DOCK3: variants seen among roughly 807,000 people sequenced by gnomAD.
The protein encoded by DOCK3 is dedicator of cytokinesis 3, also known as dedicator of cytokinesis protein 3.
Under a neutral mutation model 265.6 loss-of-function variants are expected in DOCK3, and 60 were observed. The observed-to-expected ratio is 0.23, with a 90% confidence interval of 0.18 to 0.28. The LOEUF (loss-of-function observed/expected upper bound fraction) is 0.28. DOCK3 is among the 10% of genes least tolerant of loss of function. DOCK3 has a pLI of 1.00. For synonymous variants in DOCK3, 881 were observed against 938.0 expected, an observed-to-expected ratio of 0.94 and a Z score of 1.11; for missense variants, 1,981 against 2,594.3, an observed-to-expected ratio of 0.76 and a Z score of 5.14.
chr3:51,159,031 GA>G (rs1560141182), intron 10 of DOCK3, among the ~76,000 whole-genome samples: 1 of 152,134 alleles, frequency 6.6e-6, no homozygotes, highest in Non-Finnish European at 1.5e-5. Context: ...ATGAGAGCTG[GA>G]AAAATGTTGT....
At chr3:50,908,207 T>G (rs2049648386) in intron 4 of DOCK3, among the ~76,000 whole-genome samples, 3 of 151,538 alleles carry the variant, frequency 2.0e-5, no homozygotes, top group Admixed American at 1.3e-4. Context: ...CTTTTTTTTT[T>G]TTTCATCTCA....
At chr3:51,357,263 T>A in intron 44 of DOCK3, 122 bp downstream of exon 44, 1 of 1,161,396 alleles carries the variant, frequency 8.6e-7, no homozygotes, top group Non-Finnish European at 1.2e-6. Flanking sequence ...TCTCTTGACA[T>A]GGTCCTGGAA....
chr3:50,876,018 G>T (rs1034062726), intron 3 of DOCK3, among the ~76,000 whole-genome samples: 11 of 152,070 alleles, frequency 7.2e-5, no homozygotes, highest in African/African-American at 2.7e-4. Flanking sequence ...AGGTTTAAAT[G>T]CAACTGACAA....
chr3:50,914,779 T>C (rs1225162384), intron 4 of DOCK3, among the ~76,000 whole-genome samples: 6 of 152,154 alleles, frequency 3.9e-5, no homozygotes, highest in African/African-American at 7.2e-5. Context: ...CTAATGCCGA[T>C]AGTAGGGTGT....
chr3:50,961,251 A>C (rs543921548), intron 5 of DOCK3, among the ~76,000 whole-genome samples: 1 of 152,280 alleles, frequency 6.6e-6, no homozygotes, highest in African/African-American at 2.4e-5. Context: ...GGGAAACATA[A>C]GTTTTTTTAC....
intron 5 of DOCK3, among the ~76,000 whole-genome samples, chr3:51,056,570 A>G (rs2081209564): frequency 6.6e-6 from 1 of 152,144 alleles, no homozygotes; most frequent in Admixed American, 6.6e-5. Context: ...TTTTGACATA[A>G]AGGTCATTAG....
intron 7 of DOCK3, among the ~76,000 whole-genome samples, chr3:51,084,313 CAAAT>C (rs1240545039): frequency 6.6e-6 from 1 of 151,932 alleles, no homozygotes; most frequent in East Asian, 1.9e-4. Flanking sequence ...AAATCAAAGA[CAAAT>C]AATTCTAAAA....
At chr3:50,704,574 C>T (rs2036262673) in intron 1 of DOCK3, among the ~76,000 whole-genome samples, 1 of 150,924 alleles carries the variant, frequency 6.6e-6, no homozygotes. Flanking sequence ...CATCTCTTCA[C>T]TTTCAGTCTA....
chr3:50,972,172 G>A (rs2077258032), intron 5 of DOCK3, among the ~76,000 whole-genome samples: 1 of 152,228 alleles, frequency 6.6e-6, no homozygotes, highest in East Asian at 1.9e-4. Flanking sequence ...TTCACTGCAG[G>A]TATGCTGCTA....
intron 4 of DOCK3, chr3:50,898,445 A>AT (rs1236604315): frequency 2.0e-5 from 3 of 151,934 alleles, no homozygotes; most frequent in Admixed American, 2.0e-4. Flanking sequence ...GGATTTATTG[A>AT]TTTTTTGAAG....
intron 12 of DOCK3, among the ~76,000 whole-genome samples, chr3:51,192,735 A>G (rs966423037): frequency 3.9e-5 from 6 of 151,978 alleles, no homozygotes; most frequent in African/African-American, 9.7e-5. Flanking sequence ...CCAGGGGCAA[A>G]TGGGAAGTGT....
chr3:50,830,410 A>G lies in DOCK3; in HGVS notation c.122-11265A>G, dbSNP rs74615310. Among the ~76,000 whole-genome samples, 92 of 152,224 alleles carry G rather than the reference A, an allele frequency of 6.0e-4. 3 individuals carry two copies. The East Asian group carries it at 0.018, about 29-fold the overall frequency. ...ACCTGTCTCTACTTCCTGTGCAGCT[A>G]TTAGCCAGGTATTGGGTATAAATAA... On this transcript the variant is annotated intron_variant, in intron 2 of 52. Transcript: ENST00000266037.
intron 2 of DOCK3, chr3:50,786,661 T>A: frequency 6.5e-6 from 4 of 618,832 alleles, no homozygotes; most frequent in South Asian, 6.4e-5. Context: ...CTGGCCTTTA[T>A]GATTTATGAA....
At chr3:50,959,530 TTGTG>T (rs201803035) in intron 5 of DOCK3, among the ~76,000 whole-genome samples, 56 of 146,148 alleles carry the variant, frequency 3.8e-4, no homozygotes, top group Admixed American at 7.6e-4. Context: ...TCTTTTTATG[TTGTG>T]TGTGTGTGTG....
At chr3:50,745,637 A>G (rs961849768) in intron 1 of DOCK3, among the ~76,000 whole-genome samples, 15 of 152,180 alleles carry the variant, frequency 9.9e-5, no homozygotes, top group African/African-American at 3.4e-4. Context: ...TTTTTGGAGG[A>G]CAAGGTCCCC....
At chr3:50,960,007 C>T (rs1016178225) in intron 5 of DOCK3, among the ~76,000 whole-genome samples, 3 of 152,186 alleles carry the variant, frequency 2.0e-5, no homozygotes, top group African/African-American at 7.2e-5. Context: ...TTTTACTTAG[C>T]ATAATGTTTT....
intron 22 of DOCK3, among the ~76,000 whole-genome samples, chr3:51,258,022 C>A (rs2079644362): frequency 6.6e-6 from 1 of 152,180 alleles, no homozygotes; most frequent in Non-Finnish European, 1.5e-5. Context: ...TTCATGGAGA[C>A]TTCTCTGACA....
intron 5 of DOCK3, among the ~76,000 whole-genome samples, chr3:50,943,918 A>G (rs766534900): frequency 1.3e-5 from 2 of 152,164 alleles, no homozygotes; most frequent in Non-Finnish European, 2.9e-5. Flanking sequence ...GGATGTTATA[A>G]ACTTATTTCA....
chr3:50,992,824 G>A (rs1005598935), intron 5 of DOCK3, among the ~76,000 whole-genome samples: 7 of 152,198 alleles, frequency 4.6e-5, no homozygotes, highest in East Asian at 1.9e-4. Flanking sequence ...TTTTAAGACC[G>A]AGCCAGGAAG....
Sources: gnomAD v4.1 joint callset for allele counts (sites outside exome capture counted in the v4.1 genomes callset) on GRCh38, gnomAD v4.1.1 for gene constraint, MANE v1.5 for transcripts, NCBI Gene and HGNC (gene_info 2026-07-23, HGNC 2026-07-21) for gene names.